Variants in KCNH5 observed in about 807,000 individuals in gnomAD.
KCNH5 encodes potassium voltage-gated channel subfamily H member 5.
KCNH5 carries 46 observed loss-of-function variants against 96.1 expected under a neutral mutation model. The ratio of observed to expected loss-of-function variants is 0.48; its 90% CI spans 0.38 to 0.61. The LOEUF (loss-of-function observed/expected upper bound fraction) is 0.61. Ranked by LOEUF, KCNH5 falls within the 20% of genes least tolerant of loss-of-function variation. KCNH5 has a pLI of 0.00. For missense variants in KCNH5, 907 were observed against 1,225.8 expected (o/e 0.74, Z 3.88); for synonymous variants, 439 against 449.8 (o/e 0.98, Z 0.30).
chr14:62,964,304 G>A (rs1018596569), intron 6 of KCNH5, among the ~76,000 whole-genome samples: 1 of 152,092 alleles, frequency 6.6e-6, no homozygotes, highest in African/African-American at 2.4e-5. Context: ...GAGGTCACTT[G>A]AATCTCTTTC....
intron 8 of KCNH5, among the ~76,000 whole-genome samples, chr14:62,817,183 A>G (rs558406116): frequency 7.2e-6 from 1 of 139,568 alleles, no homozygotes; most frequent in Admixed American, 7.9e-5. Flanking sequence ...ATAATATACT[A>G]TATATTATAT....
chr14:63,041,743 A>G (rs1891828389), intron 1 of KCNH5, among the ~76,000 whole-genome samples: 1 of 151,972 alleles, frequency 6.6e-6, no homozygotes, highest in African/African-American at 2.4e-5. Context: ...ATTTTATTTT[A>G]TAGACTTTGA....
intron 8 of KCNH5, among the ~76,000 whole-genome samples, chr14:62,847,523 GA>G (rs1010575162): frequency 3.9e-5 from 6 of 152,040 alleles, no homozygotes; most frequent in African/African-American, 9.7e-5. Flanking sequence ...TATGAACAAG[GA>G]AACTTTTATA....
chr14:62,757,686 C>G (rs146046957), intron 10 of KCNH5, among the ~76,000 whole-genome samples: 1 of 150,628 alleles, frequency 6.6e-6, no homozygotes, highest in Non-Finnish European at 1.5e-5. Context: ...CATTATGTTA[C>G]GTGAAATAAG....
intron 7 of KCNH5, among the ~76,000 whole-genome samples, chr14:62,852,881 G>A (rs1887835725): frequency 6.6e-6 from 1 of 151,962 alleles, no homozygotes; most frequent in African/African-American, 2.4e-5. Context: ...AATAATGAGG[G>A]AAACTGATCT....
At chr14:62,741,367 A>G (rs1040320539) in intron 10 of KCNH5, among the ~76,000 whole-genome samples, 4 of 152,176 alleles carry the variant, frequency 2.6e-5, no homozygotes, top group Admixed American at 2.6e-4. Context: ...AGTAACTTCT[A>G]ACTCTGTGAT....
intron 10 of KCNH5, among the ~76,000 whole-genome samples, chr14:62,752,583 A>G (rs1029518384): frequency 6.6e-6 from 1 of 152,156 alleles, no homozygotes; most frequent in African/African-American, 2.4e-5. Context: ...TAGTACTTCC[A>G]TAAGCATTAA....
chr14:62,840,544 GTTTTTCTTTTTTCTTTTTTTTCTTTTT>G (rs1887557155), intron 8 of KCNH5, among the ~76,000 whole-genome samples: 1 of 105,408 alleles, frequency 9.5e-6, no homozygotes, highest in Non-Finnish European at 2.1e-5. Flanking sequence ...GTTTTGTTTT[GTTTTTCTTTTTTCTTTTTTTTCTTTTT>G]TTTTTTTTTT....
At chr14:62,715,371 T>A (rs1363298943) in intron 10 of KCNH5, among the ~76,000 whole-genome samples, 1 of 152,210 alleles carries the variant, frequency 6.6e-6, no homozygotes, top group African/African-American at 2.4e-5. Context: ...GTAGCTCTGG[T>A]TCATCTGACT....
At chr14:63,024,278 G>A (rs922449349) in intron 1 of KCNH5, among the ~76,000 whole-genome samples, 1 of 151,548 alleles carries the variant, frequency 6.6e-6, no homozygotes, top group Non-Finnish European at 1.5e-5. Flanking sequence ...CTTAAGGGAA[G>A]CAATAAAAAT....
At chr14:62,764,199 G>A (rs1299133132) in intron 10 of KCNH5, among the ~76,000 whole-genome samples, 1 of 152,132 alleles carries the variant, frequency 6.6e-6, no homozygotes, top group Non-Finnish European at 1.5e-5. Context: ...TCATTCCTGG[G>A]ATGCAAGACT....
chr14:62,982,371 C>T (rs1890627340), intron 5 of KCNH5, among the ~76,000 whole-genome samples: 1 of 151,972 alleles, frequency 6.6e-6, no homozygotes, highest in South Asian at 2.1e-4. Context: ...AAACTTCTGC[C>T]CTGTGCCATC....
At chr14:63,011,800 C>T (rs1891234355) in intron 2 of KCNH5, among the ~76,000 whole-genome samples, 1 of 152,180 alleles carries the variant, frequency 6.6e-6, no homozygotes, top group South Asian at 2.1e-4. Flanking sequence ...TGGCATCCAT[C>T]ATGTGTCACA....
At chr14:62,980,326 CAAA>C (rs1234452356) in intron 6 of KCNH5, among the ~76,000 whole-genome samples, 1 of 152,108 alleles carries the variant, frequency 6.6e-6, no homozygotes, top group Non-Finnish European at 1.5e-5. Context: ...ACCAAAGTGG[CAAA>C]AATTCAAGAA....
intron 7 of KCNH5, among the ~76,000 whole-genome samples, chr14:62,942,077 A>G (rs974646096): frequency 2.6e-5 from 4 of 152,232 alleles, no homozygotes; most frequent in Non-Finnish European, 5.9e-5. Flanking sequence ...TTTTCTATAG[A>G]AAACACATCT....
chr14:62,732,221 T>C lies in KCNH5; in HGVS notation c.2020-23766A>G, dbSNP rs187123922. 1.2e-3 allele frequency among the ~76,000 whole-genome samples: 176 copies of C among 152,260 alleles called. 1 individual carries two copies. Among genetic ancestry groups the C allele is most frequent in the Middle Eastern group, 3.4e-3 (1 of 294 alleles). ...GGCAAAGCAATCAGCTCTCTCAATTTCTTGCCTCTCCCATCTGTTCCCCTC... is the reference window on the plus strand; with the variant it reads ...GGCAAAGCAATCAGCTCTCTCAATTCCTTGCCTCTCCCATCTGTTCCCCTC... On this transcript the variant is annotated intron_variant, in intron 10 of 10. Coordinates refer to ENST00000322893, the MANE Select transcript of KCNH5 (RefSeq NM_139318.5).
intron 10 of KCNH5, among the ~76,000 whole-genome samples, chr14:62,722,169 G>A (rs1884830181): frequency 6.6e-6 from 1 of 152,146 alleles, no homozygotes; most frequent in Admixed American, 6.5e-5. Context: ...ATGTTCTGCT[G>A]GGAATGTAAG....
At chr14:62,867,715 A>G (rs1888162185) in intron 7 of KCNH5, among the ~76,000 whole-genome samples, 1 of 152,044 alleles carries the variant, frequency 6.6e-6, no homozygotes, top group Non-Finnish European at 1.5e-5. Flanking sequence ...CACAATCTTC[A>G]TCTCCAAATT....
At chr14:62,893,183 T>G (rs1438674074) in intron 7 of KCNH5, among the ~76,000 whole-genome samples, 1 of 152,168 alleles carries the variant, frequency 6.6e-6, no homozygotes, top group African/African-American at 2.4e-5. Flanking sequence ...CCAAAATATC[T>G]ACATTAACAT....
Sources: allele counts gnomAD v4.1 joint callset (sites outside exome capture counted in the v4.1 genomes callset), GRCh38; gene constraint gnomAD v4.1.1; transcripts MANE v1.5; gene names NCBI Gene and HGNC (gene_info 2026-07-23, HGNC 2026-07-21).